STK32B: variants seen among roughly 807,000 people sequenced by gnomAD.
STK32B encodes serine/threonine-protein kinase 32B.
Under a neutral mutation model 52.6 loss-of-function variants are expected in STK32B, and 43 were observed. That is an observed-to-expected ratio of 0.82 (90% CI 0.64 to 1.05). The LOEUF (loss-of-function observed/expected upper bound fraction) is 1.05. Among genes scored for constraint, STK32B ranks in the 50% least tolerant of loss-of-function variants. STK32B has a pLI of 0.00. For synonymous variants in STK32B, 238 were observed against 204.3 expected, an observed-to-expected ratio of 1.17 and a Z score of -1.41; for missense variants, 621 against 534.6, an observed-to-expected ratio of 1.16 and a Z score of -1.59.
At chr4:5,071,660 C>G (rs1285252819) in intron 1 of STK32B, among the ~76,000 whole-genome samples, 2 of 152,150 alleles carry the variant, frequency 1.3e-5, no homozygotes, top group Admixed American at 1.3e-4. Flanking sequence ...CCTGGAGAAT[C>G]AAAGGAGCTT....
chr4:5,475,223 C>G (rs1008217259), intron 11 of STK32B, among the ~76,000 whole-genome samples: 1 of 151,978 alleles, frequency 6.6e-6, no homozygotes, highest in African/African-American at 2.4e-5. Context: ...AGTTCAAGAC[C>G]AGCCTGGCCA....
chr4:5,495,026 A>G (rs1455191165), intron 11 of STK32B, among the ~76,000 whole-genome samples: 1 of 151,776 alleles, frequency 6.6e-6, no homozygotes, highest in Non-Finnish European at 1.5e-5. Flanking sequence ...CTTCATTTCA[A>G]CTTTGGTGAA....
intron 3 of STK32B, among the ~76,000 whole-genome samples, chr4:5,201,326 C>A (rs1360445353): frequency 6.6e-6 from 1 of 152,180 alleles, no homozygotes; most frequent in Admixed American, 6.5e-5. Context: ...CCCATTTGCC[C>A]TGGGAGACCT....
chr4:5,490,751 G>A (rs1719657359), intron 11 of STK32B, among the ~76,000 whole-genome samples: 1 of 152,036 alleles, frequency 6.6e-6, no homozygotes. Context: ...AGTCTCCAGA[G>A]TGTGATGTTC....
intron 3 of STK32B, among the ~76,000 whole-genome samples, chr4:5,236,029 A>C (rs1476480337): frequency 2.0e-5 from 3 of 151,972 alleles, no homozygotes; most frequent in African/African-American, 7.3e-5. Context: ...CAGAGCAGCC[A>C]GGAGGGGGTG....
chr4:5,215,340 A>G lies in STK32B; in HGVS notation c.260+46890A>G, dbSNP rs532863628. On this transcript the variant is annotated intron_variant, in intron 3 of 11. Coordinates refer to ENST00000282908, the MANE Select transcript of STK32B (RefSeq NM_018401.3). ...AGTTTAAAGATCTTTAGTCACTTCA[A>G]TCAGATATCACATCTGATTTTTATC... 7.2e-5 allele frequency among the ~76,000 whole-genome samples: 11 copies of G among 152,276 alleles called. No individual in the cohort carries two copies. In the East Asian group the frequency reaches 1.9e-3, roughly 27 times the overall value.
Position 5,240,552 on chromosome 4 carries a change from C to T in STK32B, c.260+72102C>T, listed in dbSNP as rs186122017. ...TCTGCTCACTGCAACCTCCGCCTCC[C>T]GGGTTCAAGCGATTTTTCTGCCTCA... On this transcript the variant is annotated intron_variant, in intron 3 of 11. Transcript: ENST00000282908. 4.7e-3 allele frequency among the ~76,000 whole-genome samples: 708 copies of T among 152,180 alleles called. 6 individuals are homozygous for T. The highest frequency in any genetic ancestry group is 0.015 in the African/African-American group (619 of 41,510).
chr4:5,355,508 C>T (rs1734114054), intron 4 of STK32B, among the ~76,000 whole-genome samples: 1 of 152,120 alleles, frequency 6.6e-6, no homozygotes, highest in African/African-American at 2.4e-5. Flanking sequence ...TCTTATCTGT[C>T]AGAACTTATG....
intron 3 of STK32B, among the ~76,000 whole-genome samples, chr4:5,300,946 G>A (rs947994563): frequency 1.4e-4 from 21 of 151,420 alleles, no homozygotes; most frequent in Non-Finnish European, 1.9e-4. Context: ...CAAAATTAGG[G>A]GGACACCTCC....
rs1720670580 is a variant in STK32B at position 5,500,824 on chromosome 4, C to G, written c.*1741C>G. 6.6e-6 allele frequency: 1 copy of G among 152,202 alleles called. No homozygotes were observed. Among genetic ancestry groups the G allele is most frequent in the Non-Finnish European group, 1.5e-5 (1 of 68,048 alleles). The allele number at this position is 152,202 out of a possible 1,614,324, so 9.4% of individuals were successfully genotyped here. ...CCTCCCCCAGGAAATAAGGGGCCTG[C>G]TCCTCTCCCTACTGTGACCCTGGAG... On this transcript the variant is annotated 3_prime_UTR_variant, in exon 12 of 12. Coordinates refer to ENST00000282908, the MANE Select transcript of STK32B (RefSeq NM_018401.3).
intron 3 of STK32B, among the ~76,000 whole-genome samples, chr4:5,225,068 G>A (rs886787154): frequency 6.6e-6 from 1 of 152,082 alleles, no homozygotes; most frequent in Non-Finnish European, 1.5e-5. Context: ...AAAAATTATT[G>A]AGGACCTCGA....
rs1415117623 is a variant in STK32B at position 5,331,380 on chromosome 4, C to A, written c.421C>A (p.His141Asn). ...ALALEYLQRY[H>N]IIHRDIKPDN... ...GGCCCTGGAGTATCTTCAGAGGTAC[C>A]ACATCATCCACAGGTAACTGGGCTG... is the stretch of plus-strand genomic sequence containing the variant. The change falls in exon 4 of 12, where the codon CAC becomes AAC. Residue 141 changes from histidine to asparagine, a missense_variant. Transcript: ENST00000282908. The A allele has an allele frequency of 5.0e-6, 8 of 1,611,188 alleles. No homozygotes were observed. The highest frequency in any genetic ancestry group is 6.8e-6 in the Non-Finnish European group (8 of 1,178,536).
intron 4 of STK32B, among the ~76,000 whole-genome samples, chr4:5,358,240 G>A (rs1229677669): frequency 2.6e-5 from 4 of 152,214 alleles, no homozygotes; most frequent in South Asian, 2.1e-4. Context: ...GACTTGGGTC[G>A]TAAGTTAACG....
intron 3 of STK32B, among the ~76,000 whole-genome samples, chr4:5,316,278 A>G (rs1421776803): frequency 2.7e-5 from 2 of 74,492 alleles, no homozygotes; most frequent in Non-Finnish European, 4.4e-5. Flanking sequence ...TATATATAAT[A>G]TATTATATAC....
intron 8 of STK32B, among the ~76,000 whole-genome samples, chr4:5,457,818 G>C (rs1716685068): frequency 6.7e-6 from 1 of 150,044 alleles, no homozygotes; most frequent in African/African-American, 2.4e-5. Flanking sequence ...GTTGTGGTGA[G>C]CCAAGATCGC....
chr4:5,159,989 A>G (rs1229026136), intron 2 of STK32B, among the ~76,000 whole-genome samples: 2 of 152,008 alleles, frequency 1.3e-5, no homozygotes, highest in Non-Finnish European at 2.9e-5. Context: ...TACTTCATTC[A>G]GGCCTTCAAC....
chr4:5,185,379 G>T (rs547462025), intron 3 of STK32B, among the ~76,000 whole-genome samples: 2 of 152,284 alleles, frequency 1.3e-5, no homozygotes, highest in African/African-American at 4.8e-5. Context: ...AGTTGCAATG[G>T]ACTGAGTCAG....
chr4:5,162,210 C>G (rs538910218), intron 2 of STK32B, among the ~76,000 whole-genome samples: 1 of 152,146 alleles, frequency 6.6e-6, no homozygotes, highest in African/African-American at 2.4e-5. Context: ...TGCTAACCAG[C>G]GATTAGAGCC....
chr4:5,459,211 T>A (rs1308018406), intron 8 of STK32B, among the ~76,000 whole-genome samples: 1 of 152,090 alleles, frequency 6.6e-6, no homozygotes, highest in Non-Finnish European at 1.5e-5. Flanking sequence ...GGTGGGAGAT[T>A]TCTGCAGTGA....
Sources: allele counts gnomAD v4.1 joint callset (sites outside exome capture counted in the v4.1 genomes callset), GRCh38; gene constraint gnomAD v4.1.1; transcripts MANE v1.5; gene names NCBI Gene and HGNC (gene_info 2026-07-23, HGNC 2026-07-21).